Variants in SEMA4A observed in about 807,000 individuals in gnomAD.
The protein encoded by SEMA4A is semaphorin 4A, also known as semaphorin-4A.
A neutral mutation model predicts 72.5 loss-of-function variants in SEMA4A; 52 were observed. The ratio of observed to expected loss-of-function variants is 0.72; its 90% CI spans 0.57 to 0.90. The LOEUF (loss-of-function observed/expected upper bound fraction) is 0.90, where lower values mean the gene tolerates loss of function less well. Ranked by LOEUF, SEMA4A falls within the 40% of genes least tolerant of loss-of-function variation. The pLI is 0.00. For synonymous variants in SEMA4A, 369 were observed against 393.1 expected (o/e 0.94, Z 0.73); for missense variants, 926 against 959.7 (o/e 0.96, Z 0.46).
At chr1:156,165,350 C>T (rs1379965824) in intron 10 of SEMA4A, among the ~76,000 whole-genome samples, 2 of 151,908 alleles carry the variant, frequency 1.3e-5, no homozygotes, top group Admixed American at 1.3e-4. Flanking sequence ...CCATGGCTTC[C>T]TCTTTTTTTT....
rs776754785 is a variant in SEMA4A at position 156,154,730 on chromosome 1, C to T, written c.139+13C>T. 3 of 1,575,394 alleles carry T rather than the reference C, an allele frequency of 1.9e-6. No homozygotes were observed. The East Asian group carries it at 6.8e-5, about 36-fold the overall frequency. On this transcript the variant is annotated intron_variant, in intron 2 of 14. Transcript: ENST00000368285. ...AGATACTATGCAGGTAAGTGTCCGA[C>T]AGCAGGAAGTGTGGGGATAGCAATA...
chr1:156,161,259 A>T (rs191795474), intron 8 of SEMA4A, 87 bp from the exon 9 acceptor site: 166,300 of 629,194 alleles, frequency 0.26, 19,374 homozygotes, highest in Non-Finnish European at 0.28. Context: ...CTGGGGGGAC[A>T]CGCCGAGCTG....
intron 7 of SEMA4A, 136 bp downstream of exon 7, chr1:156,160,695 A>C (rs1430112142): frequency 9.6e-7 from 1 of 1,037,800 alleles, no homozygotes; most frequent in African/African-American, 1.6e-5. Flanking sequence ...AAGAAGGCAA[A>C]GCTCCGGTTC....
chr1:156,164,509 G>A (rs1246565964), intron 10 of SEMA4A, among the ~76,000 whole-genome samples: 2 of 152,120 alleles, frequency 1.3e-5, no homozygotes, highest in Non-Finnish European at 1.5e-5. Context: ...ATTAGCCATG[G>A]TGGAAGTATA....
At chr1:156,154,823 A>C in intron 2 of SEMA4A, 106 bp downstream of exon 2, 1 of 1,313,116 alleles carries the variant, frequency 7.6e-7, no homozygotes, top group Non-Finnish European at 1.0e-6. Flanking sequence ...ATGGAGAAAC[A>C]GGGACACAGA....
chr1:156,158,158 T>C (rs1307916104), intron 4 of SEMA4A, 26 bp downstream of exon 4: 4 of 1,610,810 alleles, frequency 2.5e-6, no homozygotes, highest in South Asian at 2.2e-5. Context: ...GGAGTAGGGG[T>C]AGAGTGGGTA....
At chr1:156,169,357 T>C (rs990380981) in intron 10 of SEMA4A, among the ~76,000 whole-genome samples, 1 of 151,474 alleles carries the variant, frequency 6.6e-6, no homozygotes, top group Non-Finnish European at 1.5e-5. Flanking sequence ...TTTGCATTTC[T>C]CTCTTGTTCT....
In SEMA4A at chr1:156,162,928, C is replaced by A. The variant is rs961641770; in HGVS notation, c.984-16C>A. 1 of 1,613,062 alleles carries A rather than the reference C, an allele frequency of 6.2e-7. No homozygotes were observed. Among genetic ancestry groups the A allele is most frequent in the East Asian group, 2.2e-5 (1 of 44,888 alleles). On this transcript the variant is annotated splice_polypyrimidine_tract_variant and intron_variant, in intron 9 of 14. Transcript: ENST00000368285. ...TGGCAGAGACCACAGACAATGTTCC[C>A]TCTGGCTGTCTCCAGGCAGGTTGGC...
rs1485929992 is a variant in SEMA4A, at chr1:156,163,739, A to T, written c.1134+645A>T. 4.7e-5 allele frequency among the ~76,000 whole-genome samples: 7 copies of T among 149,734 alleles called. 1 individual carries two copies. The highest frequency in any genetic ancestry group is 1.7e-4 in the African/African-American group (7 of 40,674). The stretch of plus-strand genomic sequence containing the variant: ...CAGTCTCAAAAAAAAAAAAAAAAAA[A>T]AAAAAAAAAATCAGAGGCTGGGCAT... On this transcript the variant is annotated intron_variant, in intron 10 of 14. Transcript: ENST00000368285.
upstream of SEMA4A, among the ~76,000 whole-genome samples, chr1:156,149,077 C>G (rs1217582265): frequency 2.0e-5 from 3 of 152,076 alleles, no homozygotes; most frequent in African/African-American, 7.2e-5. Context: ...GCTGGGATTA[C>G]AGGCGTGAGC....
rs920054648 is a variant in SEMA4A at position 156,175,477 on chromosome 1, T to A, written c.1593-79T>A. 1 of 1,243,730 alleles carries A rather than the reference T, an allele frequency of 8.0e-7. No homozygotes were observed. The highest frequency in any genetic ancestry group is 1.2e-6 in the Non-Finnish European group (1 of 858,368). 77.0% of individuals were successfully genotyped at this position (1,243,730 alleles called of 1,614,324 possible). A position where few individuals can be genotyped will look rare whatever the true frequency, so the allele number is the denominator to read the frequency against. ...TCCCCTGGCCTACCTTCTTCCCTAC[T>A]GCACTTCCTCCCTTCCTCCTTCCTC... On this transcript the variant is annotated intron_variant, in intron 13 of 14. Coordinates refer to ENST00000368285, the MANE Select transcript of SEMA4A (RefSeq NM_022367.4).
Position 156,156,455 on chromosome 1 carries a change from C to A in SEMA4A, c.181C>A (p.Leu61Ile). Residue 61 changes from leucine to isoleucine, a missense_variant, in exon 3 of 15, where the codon CTC becomes ATC. Physicochemically the swap from Leu to Ile is conservative, Grantham distance 5. Transcript: ENST00000368285. ...ACTTAGCTTCTTCCACCAGAAGGGC[C>A]TCCAGGATTTTGACACTCTGCTCCT... ...RALSFFHQKG[L>I]QDFDTLLLSG... 6.2e-7 allele frequency: 1 copy of A among 1,614,138 alleles called. No individual in the cohort carries two copies. The highest frequency in any genetic ancestry group is 2.2e-5 in the East Asian group (1 of 44,884).
In SEMA4A at chr1:156,177,330, A is replaced by C. The variant is rs1572434964; in HGVS notation, c.*333A>C. ...CTCCAGAAACACAGTGTTTCAAGAG[A>C]CCCTAAAAAACCTGCCTGTCCCAGG... On this transcript the variant is annotated 3_prime_UTR_variant, in exon 15 of 15. Transcript: ENST00000368285. The C allele has an allele frequency of 4.8e-6, 2 of 420,930 alleles. No homozygotes were observed. Among genetic ancestry groups the C allele is most frequent in the Non-Finnish European group, 8.9e-6 (2 of 224,876 alleles). The allele number at this position is 420,930 out of a possible 1,614,324, so 26.1% of individuals were successfully genotyped here.
chr1:156,154,940 G>C (rs931519528), intron 2 of SEMA4A: 1 of 604,166 alleles, frequency 1.7e-6, no homozygotes, highest in Non-Finnish European at 2.8e-6. Flanking sequence ...GAGGAAAACA[G>C]GTGGCCACGG....
At chr1:156,171,878 G>A (rs1654816238) in intron 10 of SEMA4A, among the ~76,000 whole-genome samples, 1 of 151,122 alleles carries the variant, frequency 6.6e-6, no homozygotes, top group Non-Finnish European at 1.5e-5. Context: ...CTGCCTCCCG[G>A]GTTCAAGCGA....
upstream of SEMA4A, chr1:156,153,474 G>A (rs1652714536): frequency 6.6e-6 from 1 of 152,256 alleles, no homozygotes; most frequent in Admixed American, 6.5e-5. Flanking sequence ...TGTCTCTTGT[G>A]AGGTGGGTGA....
upstream of SEMA4A, among the ~76,000 whole-genome samples, chr1:156,150,685 G>T (rs1446014221): frequency 6.6e-6 from 1 of 152,126 alleles, no homozygotes; most frequent in Non-Finnish European, 1.5e-5. Flanking sequence ...GCTGGTTGAA[G>T]CTCAGAGGTA....
At chr1:156,150,870 T>C (rs1418836159), upstream of SEMA4A, among the ~76,000 whole-genome samples, 2 of 152,046 alleles carry the variant, frequency 1.3e-5, no homozygotes, top group Non-Finnish European at 2.9e-5. Flanking sequence ...GTTGTTGTCA[T>C]GGCAGGACCC....
chr1:156,175,146 G>C lies in SEMA4A; in HGVS notation c.1495G>C (p.Val499Leu), dbSNP rs1197798721. 2 of 1,614,172 alleles carry C rather than the reference G, an allele frequency of 1.2e-6. No individual in the cohort carries two copies. Among genetic ancestry groups the C allele is most frequent in the Non-Finnish European group, 8.5e-7 (1 of 1,180,026 alleles). Residue 499 changes from valine (V) to leucine (L), a missense_variant, in exon 13 of 15, where the codon GTC (valine) becomes CTC (leucine). By Grantham distance (32) the Val-to-Leu change is conservative. Transcript: ENST00000368285. ...GAGGGTGCCCCGAGCCAACTGTAGT[G>C]TCTATGAGAGCTGTGTGGACTGTGT... is the stretch of plus-strand genomic sequence containing the variant. ...VWRVPRANCS[V>L]YESCVDCVLA...
Sources: allele counts gnomAD v4.1 joint callset (sites outside exome capture counted in the v4.1 genomes callset), GRCh38; gene constraint gnomAD v4.1.1; transcripts MANE v1.5; gene names NCBI Gene and HGNC (gene_info 2026-07-23, HGNC 2026-07-21).